NFIB: variants seen among roughly 807,000 people sequenced by gnomAD.
The protein encoded by NFIB is nuclear factor I B.
Under a neutral mutation model 61.5 loss-of-function variants are expected in NFIB, and 11 were observed. The ratio of observed to expected loss-of-function variants is 0.18; its 90% CI spans 0.11 to 0.30. NFIB has a LOEUF of 0.30. Ranked by LOEUF, NFIB falls within the 10% of genes least tolerant of loss-of-function variation. The probability of loss-of-function intolerance (pLI) is 1.00; values close to 1 mark genes in which losing one functional copy is unlikely to be tolerated. For missense variants in NFIB, 471 were observed against 608.9 expected (o/e 0.77, Z 2.38); for synonymous variants, 260 against 216.5 (o/e 1.20, Z -1.76).
At chr9:14,177,391 T>G (rs1210065377) in intron 3 of NFIB, among the ~76,000 whole-genome samples, 1 of 152,172 alleles carries the variant, frequency 6.6e-6, no homozygotes, top group Non-Finnish European at 1.5e-5. Context: ...AAACATTTTA[T>G]ATTCTAGGTT....
chr9:14,217,487 C>T (rs528519788), intron 2 of NFIB, among the ~76,000 whole-genome samples: 1 of 151,992 alleles, frequency 6.6e-6, no homozygotes, highest in Admixed American at 6.6e-5. Context: ...ATGGAGAAAC[C>T]TTGTGTCTAC....
intron 2 of NFIB, among the ~76,000 whole-genome samples, chr9:14,245,655 T>C (rs2054836355): frequency 6.6e-6 from 1 of 152,100 alleles, no homozygotes; most frequent in Non-Finnish European, 1.5e-5. Context: ...GGTGGATTAC[T>C]TGAGATCAGG....
intron 6 of NFIB, among the ~76,000 whole-genome samples, chr9:14,143,122 A>AT (rs1327605596): frequency 6.6e-6 from 1 of 152,138 alleles, no homozygotes; most frequent in African/African-American, 2.4e-5. Flanking sequence ...ATTCATGTCT[A>AT]TATTTGCAGA....
the NFIB span, among the ~76,000 whole-genome samples, chr9:14,437,614 T>C: frequency 3.4e-4 from 52 of 152,252 alleles, no homozygotes; most frequent in African/African-American, 1.2e-3. Context: ...TCTGATGGAG[T>C]TGTTCCTCTC....
At chr9:14,210,372 G>T (rs2131717679) in intron 2 of NFIB, among the ~76,000 whole-genome samples, 1 of 152,014 alleles carries the variant, frequency 6.6e-6, no homozygotes, top group South Asian at 2.1e-4. Flanking sequence ...TTTACTTTAA[G>T]ATTTTTGCAA....
At chr9:14,257,762 G>GA (rs1385905904) in intron 2 of NFIB, among the ~76,000 whole-genome samples, 1 of 150,994 alleles carries the variant, frequency 6.6e-6, no homozygotes, top group Non-Finnish European at 1.5e-5. Flanking sequence ...TCTCAAAAAA[G>GA]AAAAAAAACG....
chr9:14,384,609 G>A (rs1388324979), intron 1 of NFIB, among the ~76,000 whole-genome samples: 1 of 152,140 alleles, frequency 6.6e-6, no homozygotes, highest in Non-Finnish European at 1.5e-5. Flanking sequence ...CTACGTTGAA[G>A]GTTAATATCC....
At chr9:14,469,235 T>G in the NFIB span, among the ~76,000 whole-genome samples, 1 of 152,228 alleles carries the variant, frequency 6.6e-6, no homozygotes, top group Non-Finnish European at 1.5e-5. Flanking sequence ...TAAGACTCAG[T>G]TTTATCATAC....
intron 1 of NFIB, among the ~76,000 whole-genome samples, chr9:14,394,580 C>T (rs2061660905): frequency 6.6e-6 from 1 of 152,110 alleles, no homozygotes. Context: ...GGAAAATGCC[C>T]CCATGATTCA....
At chr9:14,479,515 C>A in the NFIB span, among the ~76,000 whole-genome samples, 1 of 152,186 alleles carries the variant, frequency 6.6e-6, no homozygotes, top group African/African-American at 2.4e-5. Context: ...CTACCTCATA[C>A]ACAGGACAGT....
chr9:14,200,217 G>A (rs994964775), intron 2 of NFIB, among the ~76,000 whole-genome samples: 1 of 152,132 alleles, frequency 6.6e-6, no homozygotes, highest in Non-Finnish European at 1.5e-5. Context: ...AAATATAGTA[G>A]TCAATGGTGA....
At chr9:14,179,848 G>C in intron 2 of NFIB, 68 bp from the exon 3 acceptor site, 3 of 1,512,812 alleles carry the variant, frequency 2.0e-6, no homozygotes, top group Non-Finnish European at 1.8e-6. Context: ...ATCCTCAAAG[G>C]ACTCGAAAAA....
intron 2 of NFIB, among the ~76,000 whole-genome samples, chr9:14,219,243 G>A (rs779678264): frequency 1.3e-5 from 2 of 152,058 alleles, no homozygotes; most frequent in South Asian, 4.1e-4. Context: ...AAAACTACCA[G>A]TATTTTCAAC....
intron 10 of NFIB, among the ~76,000 whole-genome samples, chr9:14,090,990 G>A (rs1246699373): frequency 2.0e-5 from 3 of 152,010 alleles, no homozygotes; most frequent in Admixed American, 6.6e-5. Flanking sequence ...TAACTAACAG[G>A]ACTCTTGCTG....
chr9:14,124,870 C>A (rs1563809243), intron 7 of NFIB, among the ~76,000 whole-genome samples: 2 of 152,072 alleles, frequency 1.3e-5, no homozygotes, highest in Non-Finnish European at 2.9e-5. Context: ...AAAAAAAGTA[C>A]CTTTTATTCT....
chr9:14,165,772 A>G (rs183950737), intron 3 of NFIB, among the ~76,000 whole-genome samples: 1 of 152,300 alleles, frequency 6.6e-6, no homozygotes, highest in East Asian at 1.9e-4. Context: ...CAAATACTGT[A>G]TAATTCCACT....
At chr9:14,450,024 G>A in the NFIB span, among the ~76,000 whole-genome samples, 2 of 151,886 alleles carry the variant, frequency 1.3e-5, no homozygotes, top group East Asian at 3.9e-4. Flanking sequence ...CAATGTGCAG[G>A]TTTGTTACCT....
intron 10 of NFIB, among the ~76,000 whole-genome samples, chr9:14,100,437 G>T (rs1352293424): frequency 1.3e-5 from 2 of 152,150 alleles, no homozygotes; most frequent in Non-Finnish European, 2.9e-5. Flanking sequence ...GGCCGGGCGC[G>T]GTGGCTCACG....
At chr9:14,251,311 G>A (rs2055587377) in intron 2 of NFIB, among the ~76,000 whole-genome samples, 1 of 152,186 alleles carries the variant, frequency 6.6e-6, no homozygotes. Context: ...TAGCTAAAGA[G>A]TTAATCTTTA....
Sources: gnomAD v4.1 joint callset for allele counts (sites outside exome capture counted in the v4.1 genomes callset) on GRCh38, gnomAD v4.1.1 for gene constraint, MANE v1.5 for transcripts, NCBI Gene and HGNC (gene_info 2026-07-23, HGNC 2026-07-21) for gene names.